Variants in FANK1 observed in about 807,000 individuals in gnomAD.
The protein encoded by FANK1 is fibronectin type 3 and ankyrin repeat domains protein 1.
In FANK1, 44 loss-of-function variants were observed where a neutral mutation model predicts 45.3. The ratio of observed to expected loss-of-function variants is 0.97; its 90% confidence interval spans 0.76 to 1.25. The LOEUF (loss-of-function observed/expected upper bound fraction) is 1.25. FANK1 is among the 50% of genes most tolerant of loss of function. The pLI, the probability that FANK1 is intolerant of heterozygous loss-of-function variation, is 0.00. For missense variants in FANK1, 391 were observed against 424.4 expected (o/e 0.92, Z 0.69); for synonymous variants, 149 against 152.5 (o/e 0.98, Z 0.17).
At chr10:125,994,632 A>G in intron 3 of FANK1, 2 of 985,432 alleles carry the variant, frequency 2.0e-6, no homozygotes, top group Non-Finnish European at 2.4e-6. Flanking sequence ...TAATTGTGAT[A>G]CTTTTTAAAA....
intron 1 of FANK1, among the ~76,000 whole-genome samples, chr10:125,908,951 G>C (rs75897999): frequency 7.1e-3 from 998 of 141,280 alleles, no homozygotes; most frequent in South Asian, 0.016. Context: ...AAATGCTTTA[G>C]CTGGGTGGTT....
intron 1 of FANK1, among the ~76,000 whole-genome samples, chr10:125,952,796 TACATACACAC>T (rs1282429246): frequency 2.1e-4 from 21 of 101,008 alleles, no homozygotes; most frequent in East Asian, 8.7e-4. Context: ...CAGCAGGAAA[TACATACACAC>T]ACACACACAC....
At chr10:125,922,789 A>G (rs1479116796) in intron 1 of FANK1, among the ~76,000 whole-genome samples, 3 of 152,212 alleles carry the variant, frequency 2.0e-5, no homozygotes, top group Non-Finnish European at 4.4e-5. Context: ...TACTAGGATT[A>G]TAGGCATGAC....
intron 7 of FANK1, 45 bp downstream of exon 7, chr10:126,005,094 T>G (rs1271718277): frequency 1.9e-6 from 3 of 1,574,278 alleles, no homozygotes; most frequent in Non-Finnish European, 1.7e-6. Flanking sequence ...GTTAAGAATC[T>G]GAAATGCTGC....
chr10:125,939,111 TCAGA>T (rs1279576785), intron 1 of FANK1, among the ~76,000 whole-genome samples: 4 of 152,240 alleles, frequency 2.6e-5, no homozygotes, highest in South Asian at 2.1e-4. Flanking sequence ...GCACATACAA[TCAGA>T]CAAATTGTAG....
chr10:125,988,644 G>A lies in FANK1; in HGVS notation c.285G>A (p.Glu95=), dbSNP rs1216512087. The A allele has an allele frequency of 1.9e-6, 3 of 1,614,176 alleles. No individual in the cohort carries two copies. Among genetic ancestry groups the A allele is most frequent in the Non-Finnish European group, 2.5e-6 (3 of 1,180,038 alleles). Residue 95 remains glutamate, a synonymous_variant, in exon 3 of 11, where the codon GAG becomes GAA. Transcript: ENST00000368693. ...LKVTSPSGEC[E]YSPLVSVSTT... ...TCACCAGCCCCTCTGGGGAGTGTGAGTACAGCCCACTCGTCTCAGTGTCTA... is the reference window on the plus strand; with the variant it reads ...TCACCAGCCCCTCTGGGGAGTGTGAATACAGCCCACTCGTCTCAGTGTCTA...
At chr10:125,996,195 G>C (rs1590215170) in intron 4 of FANK1, among the ~76,000 whole-genome samples, 1 of 152,184 alleles carries the variant, frequency 6.6e-6, no homozygotes, top group African/African-American at 2.4e-5. Context: ...ACTCATGTTC[G>C]GTAGAGCTGA....
chr10:126,006,921 T>C (rs1282743975), intron 7 of FANK1, among the ~76,000 whole-genome samples: 2 of 152,236 alleles, frequency 1.3e-5, no homozygotes, highest in African/African-American at 4.8e-5. Flanking sequence ...TACTGGAGTT[T>C]TGGAAATGTA....
At chr10:125,968,739 T>TA (rs1564923739) in intron 1 of FANK1, among the ~76,000 whole-genome samples, 2 of 152,206 alleles carry the variant, frequency 1.3e-5, no homozygotes, top group Non-Finnish European at 2.9e-5. Context: ...ACAATCCTTT[T>TA]AAAAAATGTA....
At chr10:125,964,382 G>A (rs1950098768) in intron 1 of FANK1, among the ~76,000 whole-genome samples, 1 of 151,554 alleles carries the variant, frequency 6.6e-6, no homozygotes, top group Non-Finnish European at 1.5e-5. Context: ...TAGTGCAGAT[G>A]GGGTTTCACT....
chr10:126,009,574 A>G lies in FANK1; in HGVS notation c.*136A>G, dbSNP rs1263725915. The G allele has an allele frequency of 1.1e-6, 1 of 905,966 alleles. No individual in the cohort carries two copies. The highest frequency in any genetic ancestry group is 1.7e-6 in the Non-Finnish European group (1 of 600,666). The allele number at this position is 905,966 out of a possible 1,614,324, so 56.1% of individuals were successfully genotyped here. ...TGAAGATTCACTGATCCCACTTTGA[A>G]ATACATCTTTTTACCTAAGCATGTG... is the stretch of plus-strand genomic sequence containing the variant. On this transcript the variant is annotated 3_prime_UTR_variant, in exon 11 of 11. Coordinates refer to ENST00000368693, the MANE Select transcript of FANK1 (RefSeq NM_145235.5).
At chr10:125,964,757 A>G (rs1166828925) in intron 1 of FANK1, among the ~76,000 whole-genome samples, 6 of 152,222 alleles carry the variant, frequency 3.9e-5, no homozygotes, top group Admixed American at 3.9e-4. Context: ...GTGGAATTGC[A>G]GGATGATAGA....
At chr10:125,973,233 C>T (rs1354769409) in intron 1 of FANK1, 2 of 156,204 alleles carry the variant, frequency 1.3e-5, no homozygotes, top group East Asian at 1.9e-4. Context: ...TGAAATTTGA[C>T]ATTAATTTAG....
At chr10:125,944,903 C>T (rs1268791306) in intron 1 of FANK1, among the ~76,000 whole-genome samples, 3 of 152,098 alleles carry the variant, frequency 2.0e-5, no homozygotes, top group African/African-American at 7.2e-5. Flanking sequence ...GCTGCGAGAC[C>T]CCTGATTTCC....
At chr10:125,968,855 A>G (rs894478654) in intron 1 of FANK1, among the ~76,000 whole-genome samples, 3 of 152,174 alleles carry the variant, frequency 2.0e-5, no homozygotes, top group Non-Finnish European at 4.4e-5. Context: ...TTTCTGATGT[A>G]CTTGAGCCAT....
At chr10:125,995,278 G>A (rs1952239527) in intron 3 of FANK1, 139 bp from the exon 4 acceptor site, 2 of 725,836 alleles carry the variant, frequency 2.8e-6, no homozygotes, top group East Asian at 2.7e-5. Flanking sequence ...CAGGTGAGTA[G>A]GAAATGTAAG....
chr10:125,971,737 T>A (rs1392974775), intron 1 of FANK1, among the ~76,000 whole-genome samples: 2 of 152,110 alleles, frequency 1.3e-5, no homozygotes, highest in African/African-American at 4.8e-5. Context: ...TTCTCCTGCC[T>A]CAGCCTCCTG....
chr10:125,926,545 C>T (rs1327296879), intron 1 of FANK1, among the ~76,000 whole-genome samples: 2 of 152,424 alleles, frequency 1.3e-5, no homozygotes, highest in East Asian at 1.9e-4. Flanking sequence ...TGAAACCATA[C>T]ACTGTCTGAT....
At chr10:126,007,514 T>C (rs1392538887) in intron 7 of FANK1, among the ~76,000 whole-genome samples, 1 of 152,228 alleles carries the variant, frequency 6.6e-6, no homozygotes, top group Admixed American at 6.5e-5. Context: ...GATAATCTTA[T>C]ATGTAGAAAT....
Sources: allele counts gnomAD v4.1 joint callset (sites outside exome capture counted in the v4.1 genomes callset), GRCh38; gene constraint gnomAD v4.1.1; transcripts MANE v1.5; gene names NCBI Gene and HGNC (gene_info 2026-07-23, HGNC 2026-07-21).